TCF7L1: variants seen among roughly 807,000 people sequenced by gnomAD.
The protein encoded by TCF7L1 is transcription factor 7-like 1.
A neutral mutation model predicts 63.7 loss-of-function variants in TCF7L1; 18 were observed. The ratio of observed to expected loss-of-function variants is 0.28; its 90% CI spans 0.20 to 0.42. The LOEUF (loss-of-function observed/expected upper bound fraction) is 0.42. Among genes scored for constraint, TCF7L1 ranks in the 10% least tolerant of loss-of-function variants. The pLI, the probability that TCF7L1 is intolerant of heterozygous loss-of-function variation, is 1.00. For missense variants in TCF7L1, 654 were observed against 779.3 expected (o/e 0.84, Z 1.91); for synonymous variants, 355 against 340.9 (o/e 1.04, Z -0.46).
At chr2:85,226,369 A>G (rs1240230409) in intron 3 of TCF7L1, among the ~76,000 whole-genome samples, 1 of 152,176 alleles carries the variant, frequency 6.6e-6, no homozygotes, top group Non-Finnish European at 1.5e-5. Flanking sequence ...TCCATTTTGT[A>G]CCTATCCCTA....
chr2:85,168,380 A>G (rs1454572980), intron 3 of TCF7L1, among the ~76,000 whole-genome samples: 1 of 152,144 alleles, frequency 6.6e-6, no homozygotes, highest in Non-Finnish European at 1.5e-5. Flanking sequence ...ACAAAATTGT[A>G]AAAAACAAAA....
intron 3 of TCF7L1, among the ~76,000 whole-genome samples, chr2:85,137,645 C>A (rs1205347601): frequency 6.6e-6 from 1 of 152,204 alleles, no homozygotes; most frequent in Non-Finnish European, 1.5e-5. Context: ...GTAATCCCAG[C>A]ACTTTGGGAG....
chr2:85,274,060 CAG>C (rs1681216470), intron 3 of TCF7L1, among the ~76,000 whole-genome samples: 1 of 152,112 alleles, frequency 6.6e-6, no homozygotes, highest in Non-Finnish European at 1.5e-5. Context: ...CACACAGCGA[CAG>C]GGGAGAGACA....
At chr2:85,189,503 C>T (rs561386000) in intron 3 of TCF7L1, among the ~76,000 whole-genome samples, 12 of 152,238 alleles carry the variant, frequency 7.9e-5, no homozygotes, top group Non-Finnish European at 1.6e-4. Context: ...CTGCCTCTAG[C>T]CCTCTAAGGC....
chr2:85,185,616 G>A (rs966129706), intron 3 of TCF7L1, among the ~76,000 whole-genome samples: 1 of 152,074 alleles, frequency 6.6e-6, no homozygotes, highest in Non-Finnish European at 1.5e-5. Flanking sequence ...GGGTTGTCCT[G>A]TCTATCTCTG....
chr2:85,173,566 C>G (rs558836682), intron 3 of TCF7L1, among the ~76,000 whole-genome samples: 1 of 152,124 alleles, frequency 6.6e-6, no homozygotes, highest in South Asian at 2.1e-4. Context: ...ATCGCAAATA[C>G]ATTTATGCCA....
chr2:85,305,493 T>A, intron 8 of TCF7L1, 90 bp downstream of exon 8: 3 of 1,447,374 alleles, frequency 2.1e-6, no homozygotes, highest in Non-Finnish European at 2.8e-6. Context: ...CATGTACTCT[T>A]CTCTCTTGGT....
At chr2:85,286,904 C>A (rs1681574147) in intron 4 of TCF7L1, among the ~76,000 whole-genome samples, 1 of 152,178 alleles carries the variant, frequency 6.6e-6, no homozygotes, top group Non-Finnish European at 1.5e-5. Context: ...TGCCACTGCA[C>A]TCTAGCCTGG....
intron 3 of TCF7L1, among the ~76,000 whole-genome samples, chr2:85,256,559 A>T (rs946325120): frequency 3.3e-5 from 5 of 152,246 alleles, no homozygotes; most frequent in African/African-American, 1.2e-4. Context: ...TTGTGTGTGT[A>T]GGCGGGACAC....
chr2:85,253,292 T>A (rs1680636091), intron 3 of TCF7L1, among the ~76,000 whole-genome samples: 1 of 150,244 alleles, frequency 6.7e-6, no homozygotes, highest in Admixed American at 6.8e-5. Context: ...TGACAGCCAG[T>A]CAGAAGTGTG....
At chr2:85,275,876 C>T (rs765920838) in intron 3 of TCF7L1, among the ~76,000 whole-genome samples, 8 of 148,484 alleles carry the variant, frequency 5.4e-5, no homozygotes, top group South Asian at 2.1e-4. Flanking sequence ...TCTATGATTG[C>T]GCCACTGCAC....
Position 85,172,718 on chromosome 2 carries a change from G to T in TCF7L1, c.441+38268G>T, listed in dbSNP as rs1326797161. Among the ~76,000 whole-genome samples, 3 of 152,072 alleles carry T rather than the reference G, an allele frequency of 2.0e-5. No homozygotes were observed. In the East Asian group the frequency reaches 5.8e-4, roughly 29 times the overall value. ...TAGATTTATAGGCGTGAGCCACCGC[G>T]CCCGGCCACCTAGAACATTCTTTAT... On this transcript the variant is annotated intron_variant, in intron 3 of 11. Transcript: ENST00000282111.
At chr2:85,145,311 T>C (rs1677854366) in intron 3 of TCF7L1, among the ~76,000 whole-genome samples, 2 of 152,104 alleles carry the variant, frequency 1.3e-5, no homozygotes, top group Admixed American at 1.3e-4. Flanking sequence ...GGAATGTCCA[T>C]AGAGAATGTG....
At chr2:85,290,333 G>A (rs1044998178) in intron 4 of TCF7L1, among the ~76,000 whole-genome samples, 7 of 151,828 alleles carry the variant, frequency 4.6e-5, no homozygotes, top group South Asian at 2.1e-4. Flanking sequence ...ATACGTGTGC[G>A]CTTTTCCCCC....
intron 4 of TCF7L1, among the ~76,000 whole-genome samples, chr2:85,299,661 G>A (rs1267428760): frequency 3.3e-5 from 5 of 151,986 alleles, no homozygotes; most frequent in Non-Finnish European, 7.4e-5. Flanking sequence ...GAGCGCAGGA[G>A]TTCGAGAACA....
chr2:85,213,447 C>T (rs1248130995), intron 3 of TCF7L1, among the ~76,000 whole-genome samples: 1 of 152,072 alleles, frequency 6.6e-6, no homozygotes, highest in Non-Finnish European at 1.5e-5. Flanking sequence ...AATCCTATGC[C>T]CCAGTGTTTT....
intron 3 of TCF7L1, among the ~76,000 whole-genome samples, chr2:85,159,776 T>C (rs1454125909): frequency 6.6e-6 from 1 of 152,252 alleles, no homozygotes; most frequent in Non-Finnish European, 1.5e-5. Context: ...ACAGCAGGCC[T>C]GGCCTGACAT....
intron 3 of TCF7L1, among the ~76,000 whole-genome samples, chr2:85,234,131 C>CTTTTTTTTTTTTTTTTT (rs35508338): frequency 0.011 from 692 of 65,168 alleles, 4 homozygotes; most frequent in Middle Eastern, 0.02. Flanking sequence ...TTTTTCTTTT[C>CTTTTTTTTTTTTTTTTT]TTTTTTTTTT....
chr2:85,235,572 T>C (rs1680171092), intron 3 of TCF7L1, among the ~76,000 whole-genome samples: 1 of 152,076 alleles, frequency 6.6e-6, no homozygotes, highest in African/African-American at 2.4e-5. Flanking sequence ...AGCTAATCCC[T>C]ACCTGCAGCC....
Sources: gnomAD v4.1 joint callset for allele counts (sites outside exome capture counted in the v4.1 genomes callset) on GRCh38, gnomAD v4.1.1 for gene constraint, MANE v1.5 for transcripts, NCBI Gene and HGNC (gene_info 2026-07-23, HGNC 2026-07-21) for gene names.